The following ERAP2 variants were observed in gnomAD, a reference collection of about 807,000 sequenced individuals.
The protein encoded by ERAP2 is endoplasmic reticulum aminopeptidase 2.
A neutral mutation model predicts 111.1 loss-of-function variants in ERAP2; 118 were observed. That is an observed-to-expected ratio of 1.06 (90% CI 0.92 to 1.24). The LOEUF (loss-of-function observed/expected upper bound fraction) is 1.24. Ranked by LOEUF, ERAP2 falls within the 50% of genes most tolerant of loss-of-function variation. ERAP2 has a pLI of 0.00. For synonymous variants in ERAP2, 410 were observed against 401.2 expected (o/e 1.02, Z -0.26); for missense variants, 1,131 against 1,125.8 (o/e 1.00, Z -0.07).
rs772630282 is a variant in ERAP2, at chr5:96,901,697, C to T, written c.1748+16C>T. 1 of 1,612,006 alleles carries T rather than the reference C, an allele frequency of 6.2e-7. No individual in the cohort carries two copies. Among genetic ancestry groups the T allele is most frequent in the East Asian group, 2.2e-5 (1 of 44,862 alleles). ...TGCAGGAGAGGTGGCTGCTTTTCTT[C>T]TTTAGGTCTAGCTTACCTCATCTCA... On this transcript the variant is annotated intron_variant, in intron 11 of 18. Transcript: ENST00000437043.
intron 15 of ERAP2, 56 bp downstream of exon 15, chr5:96,909,820 T>G (rs1786510547): frequency 6.4e-7 from 1 of 1,551,982 alleles, no homozygotes; most frequent in Non-Finnish European, 8.8e-7. Context: ...GTAAAAGTCT[T>G]TGATCAAGCA....
intron 17 of ERAP2, 24 bp downstream of exon 17, chr5:96,913,481 G>A (rs371830167): frequency 3.1e-6 from 5 of 1,612,740 alleles, no homozygotes; most frequent in Admixed American, 1.7e-5. Flanking sequence ...TTCATCCAAT[G>A]TTTGTTCTTC....
rs1783405366 is a variant in ERAP2, at chr5:96,883,723, G to A, written c.576-69G>A. ...CCCCAGGTTTGATAAGCTGTTTGCT[G>A]AATGTACAGATTCATTTCTCTTCTT... On this transcript the variant is annotated intron_variant, in intron 2 of 18. Transcript: ENST00000437043. 1.7e-5 allele frequency: 26 copies of A among 1,495,612 alleles called. No homozygotes were observed. The South Asian group carries it at 2.5e-4, about 14-fold the overall frequency. 92.6% of individuals were successfully genotyped at this position (1,495,612 alleles called of 1,614,324 possible). A position where few individuals can be genotyped will look rare whatever the true frequency, so the allele number is the denominator to read the frequency against.
intron 6 of ERAP2, among the ~76,000 whole-genome samples, chr5:96,894,969 A>C (rs904628962): frequency 9.9e-5 from 15 of 152,120 alleles, no homozygotes; most frequent in African/African-American, 3.4e-4. Context: ...TAAATCTAAT[A>C]ACTAGGAAAT....
At position 96,886,607 on chromosome 5, in the gene ERAP2, G is replaced by A. The variant is rs367651807; in HGVS notation, c.715-48G>A. Reference sequence around the variant, plus strand: ...TGCCATAAGTCATAGGCATGGTTATGAAATACTCCAGTTTTCAAGTACTGA... The same window carrying A: ...TGCCATAAGTCATAGGCATGGTTATAAAATACTCCAGTTTTCAAGTACTGA... On this transcript the variant is annotated intron_variant, in intron 3 of 18. Transcript: ENST00000437043. 3.5e-6 allele frequency: 5 copies of A among 1,440,608 alleles called. No individual in the cohort carries two copies. The South Asian group carries it at 6.4e-5, about 18-fold the overall frequency. 89.2% of individuals were successfully genotyped at this position (1,440,608 alleles called of 1,614,324 possible).
At chr5:96,881,172 A>C (rs546365325) in intron 2 of ERAP2, 135 of 318,236 alleles carry the variant, frequency 4.2e-4, no homozygotes, top group South Asian at 3.2e-3. Flanking sequence ...TGAAATGGGA[A>C]ATCACTGGAG....
At chr5:96,903,245 T>C in intron 12 of ERAP2, 132 bp from the exon 13 acceptor site, 1 of 650,162 alleles carries the variant, frequency 1.5e-6, no homozygotes, top group Non-Finnish European at 2.5e-6. Flanking sequence ...CGAAAATGAA[T>C]ATCATTATGA....
intron 18 of ERAP2, 105 bp from the exon 19 acceptor site, chr5:96,917,357 T>C (rs528992426): frequency 4.1e-4 from 419 of 1,030,314 alleles, no homozygotes; most frequent in Non-Finnish European, 4.5e-4. Flanking sequence ...CTGAGCTCAA[T>C]TGATCTGCCC....
intron 15 of ERAP2, among the ~76,000 whole-genome samples, chr5:96,912,119 G>A (rs1427016965): frequency 1.9e-4 from 28 of 149,136 alleles, no homozygotes; most frequent in African/African-American, 5.9e-4. Flanking sequence ...GAACCCCGGG[G>A]GGCGGAGCCT....
chr5:96,889,325 T>C lies in ERAP2; in HGVS notation c.970+20T>C, dbSNP rs1374628710. On this transcript the variant is annotated intron_variant, in intron 5 of 18. Transcript: ENST00000437043. ...AACTGGGTATGTTCAAATTCCACATTATTGTCTTCATTTTTGCTCATAAAA... is the reference window on the plus strand; with the variant it reads ...AACTGGGTATGTTCAAATTCCACATCATTGTCTTCATTTTTGCTCATAAAA... 18 of 1,613,524 alleles carry C rather than the reference T, an allele frequency of 1.1e-5. No individual in the cohort carries two copies. Among genetic ancestry groups the C allele is most frequent in the Non-Finnish European group, 1.5e-5 (18 of 1,179,640 alleles).
At chr5:96,880,329 G>C in intron 2 of ERAP2, 69 bp downstream of exon 2, 7 of 1,370,720 alleles carry the variant, frequency 5.1e-6, no homozygotes, top group Non-Finnish European at 6.9e-6. Context: ...CTCTTTGCCA[G>C]GAGCAGACTT....
At chr5:96,881,183 G>A (rs1247310611) in intron 2 of ERAP2, 1 of 322,990 alleles carries the variant, frequency 3.1e-6, no homozygotes, top group African/African-American at 2.2e-5. Context: ...ATCACTGGAG[G>A]ATTCTGCTCT....
In ERAP2 at chr5:96,889,257, GA is replaced by G; in HGVS notation, c.923del (p.Asp308ValfsTer18). On this transcript the variant is annotated frameshift_variant, in exon 5 of 19. Coordinates refer to ENST00000437043, the MANE Select transcript of ERAP2 (RefSeq NM_022350.5). LOFTEE classifies it high-confidence loss of function. ...YALQASLKLL[D>X]FYEKYFDIYY... ...TTTGCAGGCATCACTGAAGCTACTT[GA>G]TTTTTATGAAAAGTACTTTGATATC... 1 of 1,613,958 alleles carries G rather than the reference GA, an allele frequency of 6.2e-7. No individual in the cohort carries two copies. The highest frequency in any genetic ancestry group is 8.5e-7 in the Non-Finnish European group (1 of 1,179,854).
intron 17 of ERAP2, among the ~76,000 whole-genome samples, chr5:96,915,477 T>C (rs1007621700): frequency 4.7e-5 from 5 of 105,756 alleles, no homozygotes; most frequent in Non-Finnish European, 1.0e-4. Flanking sequence ...AAAGAAGCTG[T>C]ATCTACATTT....
intron 13 of ERAP2, among the ~76,000 whole-genome samples, chr5:96,906,451 A>C (rs905768619): frequency 1.3e-5 from 2 of 152,092 alleles, no homozygotes; most frequent in Admixed American, 1.3e-4. Context: ...ATTTTTTGGC[A>C]GAGATGGCGT....
chr5:96,910,245 A>G (rs1043535418), intron 15 of ERAP2: 1 of 149,078 alleles, frequency 6.7e-6, no homozygotes, highest in South Asian at 2.1e-4. Flanking sequence ...AGTCTGGGCA[A>G]CAGAGAAAGG....
chr5:96,909,249 A>T, intron 14 of ERAP2, 132 bp downstream of exon 14: 1 of 797,472 alleles, frequency 1.3e-6, no homozygotes. Flanking sequence ...GATAGCATGT[A>T]ATGGTCAATG....
At chr5:96,891,188 C>T (rs1726876282) in intron 5 of ERAP2, among the ~76,000 whole-genome samples, 1 of 152,024 alleles carries the variant, frequency 6.6e-6, no homozygotes, top group African/African-American at 2.4e-5. Flanking sequence ...TGACTTGGTT[C>T]ATTTCAAACT....
intron 18 of ERAP2, among the ~76,000 whole-genome samples, chr5:96,916,141 G>A (rs1357874357): frequency 6.6e-6 from 1 of 151,704 alleles, no homozygotes; most frequent in Non-Finnish European, 1.5e-5. Flanking sequence ...GAATCACTTG[G>A]ACCCAGGAGG....
Sources: gnomAD v4.1 joint callset for allele counts (sites outside exome capture counted in the v4.1 genomes callset) on GRCh38, gnomAD v4.1.1 for gene constraint, MANE v1.5 for transcripts, NCBI Gene and HGNC (gene_info 2026-07-23, HGNC 2026-07-21) for gene names.